The following EPM2A variants were observed in gnomAD, a reference collection of about 807,000 sequenced individuals.
EPM2A encodes EPM2A glucan phosphatase, laforin.
A neutral mutation model predicts 26.5 loss-of-function variants in EPM2A; 21 were observed. The ratio of observed to expected loss-of-function variants is 0.79; its 90% CI spans 0.56 to 1.14. EPM2A has a LOEUF of 1.14. Among genes scored for constraint, EPM2A ranks in the 50% most tolerant of loss-of-function variants. The pLI is 0.00. For missense variants in EPM2A, 458 were observed against 440.8 expected (o/e 1.04, Z -0.35); for synonymous variants, 217 against 177.6 (o/e 1.22, Z -1.76).
chr6:145,708,073 G>A (rs1333884587), intron 1 of EPM2A, among the ~76,000 whole-genome samples: 6 of 152,158 alleles, frequency 3.9e-5, no homozygotes, highest in Non-Finnish European at 5.9e-5. Flanking sequence ...AAAGAGACTC[G>A]CACCATTTGG....
intron 2 of EPM2A, among the ~76,000 whole-genome samples, chr6:145,539,274 C>G (rs978189969): frequency 1.3e-5 from 2 of 152,098 alleles, no homozygotes; most frequent in Admixed American, 6.5e-5. Flanking sequence ...TCACTTTTTT[C>G]TTTTGTTATC....
intron 2 of EPM2A, among the ~76,000 whole-genome samples, chr6:145,645,635 C>G (rs1397805403): frequency 6.6e-6 from 1 of 151,816 alleles, no homozygotes; most frequent in Non-Finnish European, 1.5e-5. Context: ...AGGTCTGGTT[C>G]TATCACCCAG....
intron 1 of EPM2A, among the ~76,000 whole-genome samples, chr6:145,694,999 C>A (rs1781490344): frequency 6.6e-6 from 1 of 151,952 alleles, no homozygotes; most frequent in African/African-American, 2.4e-5. Flanking sequence ...TGGTATCAGT[C>A]AGATTCAAAA....
At chr6:145,576,377 G>A (rs1227389729) in intron 2 of EPM2A, among the ~76,000 whole-genome samples, 1 of 152,182 alleles carries the variant, frequency 6.6e-6, no homozygotes, top group Non-Finnish European at 1.5e-5. Flanking sequence ...TGAGGCCTTA[G>A]GGGCAAGAAA....
At chr6:145,408,825 G>A (rs1371820209) in intron 4 of EPM2A, among the ~76,000 whole-genome samples, 2 of 152,082 alleles carry the variant, frequency 1.3e-5, no homozygotes, top group African/African-American at 4.8e-5. Flanking sequence ...AGGGCTCTCT[G>A]CTTCCTAGAT....
intron 2 of EPM2A, among the ~76,000 whole-genome samples, chr6:145,542,243 T>A (rs1780522863): frequency 6.6e-6 from 1 of 152,224 alleles, no homozygotes. Context: ...GATGCTTGCA[T>A]CCACCTTTCT....
At chr6:145,546,415 T>A (rs1780584181) in intron 2 of EPM2A, among the ~76,000 whole-genome samples, 1 of 152,158 alleles carries the variant, frequency 6.6e-6, no homozygotes, top group Non-Finnish European at 1.5e-5. Context: ...CCTGCTCACA[T>A]CAGTGAGGGC....
downstream of EPM2A, among the ~76,000 whole-genome samples, chr6:145,496,656 C>G (rs1209787423): frequency 1.3e-5 from 2 of 151,062 alleles, no homozygotes; most frequent in African/African-American, 4.9e-5. Context: ...AATTCCTGTA[C>G]TGTGTTTTTC....
At chr6:145,627,789 C>A in intron 3 of EPM2A, 96 bp from the exon 4 acceptor site, 1 of 1,532,118 alleles carries the variant, frequency 6.5e-7, no homozygotes, top group Admixed American at 1.9e-5. Context: ...CACAGGGCTG[C>A]ACAGGGCCAG....
chr6:145,647,360 C>T (rs114947493), intron 2 of EPM2A, among the ~76,000 whole-genome samples: 4,402 of 152,258 alleles, frequency 0.029, 227 homozygotes, highest in African/African-American at 0.1. Context: ...ACACATCTTC[C>T]ATTGCATTCC....
intron 2 of EPM2A, among the ~76,000 whole-genome samples, chr6:145,657,058 A>C (rs748855296): frequency 2.6e-5 from 4 of 151,682 alleles, no homozygotes; most frequent in Non-Finnish European, 5.9e-5. Context: ...AAGAAATTAT[A>C]ATAAGGAAAA....
chr6:145,412,431 G>C (rs1218288345), intron 4 of EPM2A, among the ~76,000 whole-genome samples: 1 of 152,050 alleles, frequency 6.6e-6, no homozygotes, highest in East Asian at 1.9e-4. Context: ...CCTTACAAAA[G>C]CTTACTGAAT....
At chr6:145,628,031 C>T (rs925660626) in intron 3 of EPM2A, 1 of 286,180 alleles carries the variant, frequency 3.5e-6, no homozygotes, top group African/African-American at 2.2e-5. Flanking sequence ...GAAGTTTTTG[C>T]AGAGATTGGT....
intron 1 of EPM2A, among the ~76,000 whole-genome samples, chr6:145,722,412 C>G (rs1775989297): frequency 6.6e-6 from 1 of 152,128 alleles, no homozygotes; most frequent in Non-Finnish European, 1.5e-5. Context: ...CAATTCTCTT[C>G]TTACTGATAA....
chr6:145,398,686 C>T (rs1037398560), intron 4 of EPM2A, among the ~76,000 whole-genome samples: 6 of 151,936 alleles, frequency 3.9e-5, no homozygotes, highest in Non-Finnish European at 8.8e-5. Flanking sequence ...ATGGCGAAAC[C>T]CCATCTCTAC....
intron 1 of EPM2A, among the ~76,000 whole-genome samples, chr6:145,726,665 G>A (rs1776221611): frequency 1.3e-5 from 2 of 152,120 alleles, no homozygotes; most frequent in Non-Finnish European, 2.9e-5. Context: ...CAAGTCTAAT[G>A]ATGAGAAAGA....
At chr6:145,673,069 A>T (rs2128601186) in intron 2 of EPM2A, among the ~76,000 whole-genome samples, 1 of 152,288 alleles carries the variant, frequency 6.6e-6, no homozygotes, top group African/African-American at 2.4e-5. Flanking sequence ...AGAAAAAAAT[A>T]CATTAAAACA....
chr6:145,705,320 T>C (rs1782157789), intron 1 of EPM2A, among the ~76,000 whole-genome samples: 1 of 151,944 alleles, frequency 6.6e-6, no homozygotes, highest in Non-Finnish European at 1.5e-5. Flanking sequence ...AATATAGATA[T>C]ATAGATATAG....
At chr6:145,469,050 T>C (rs1355180079) in intron 4 of EPM2A, among the ~76,000 whole-genome samples, 2 of 152,208 alleles carry the variant, frequency 1.3e-5, no homozygotes, top group Admixed American at 6.6e-5. Flanking sequence ...GAGTAATTTA[T>C]AAAAGAAAGA....
Sources: allele counts gnomAD v4.1 joint callset (sites outside exome capture counted in the v4.1 genomes callset), GRCh38; gene constraint gnomAD v4.1.1; transcripts MANE v1.5; gene names NCBI Gene and HGNC (gene_info 2026-07-23, HGNC 2026-07-21).